Variants in DPP9 observed in about 807,000 individuals in gnomAD.
The protein encoded by DPP9 is dipeptidyl peptidase 9.
A neutral mutation model predicts 110.7 loss-of-function variants in DPP9; 50 were observed. The observed-to-expected ratio is 0.45, with a 90% CI of 0.36 to 0.57. The LOEUF (loss-of-function observed/expected upper bound fraction) is 0.57, where lower values mean the gene tolerates loss of function less well. Among genes scored for constraint, DPP9 ranks in the 20% least tolerant of loss-of-function variants. DPP9 has a pLI of 0.00. For synonymous variants in DPP9, 561 were observed against 514.4 expected, an observed-to-expected ratio of 1.09 and a Z score of -1.23; for missense variants, 1,022 against 1,217.9, an observed-to-expected ratio of 0.84 and a Z score of 2.39.
At chr19:4,677,242 A>T (rs1384921942) in intron 21 of DPP9, among the ~76,000 whole-genome samples, 1 of 152,076 alleles carries the variant, frequency 6.6e-6, no homozygotes, top group Non-Finnish European at 1.5e-5. Context: ...GTGGATCCAC[A>T]CGGGGATGCA....
At chr19:4,701,960 C>T (rs574118262) in intron 9 of DPP9, 67 bp downstream of exon 9, 2 of 1,575,778 alleles carry the variant, frequency 1.3e-6, no homozygotes, top group East Asian at 2.2e-5. Context: ...GGACAGTGCA[C>T]CTCACCAGCC....
intron 11 of DPP9, among the ~76,000 whole-genome samples, chr19:4,696,462 CAA>C (rs556314195): frequency 1.4e-4 from 9 of 66,080 alleles, no homozygotes; most frequent in Admixed American, 1.8e-4. Flanking sequence ...CTTGTCTCTA[CAA>C]AAAAAAAAAA....
rs965799750 is a variant in DPP9, at chr19:4,687,621, C to T, written c.1885+1136G>A. ...GAGTGTCGGCTCTGAGCAGGTGCTG[C>T]TGTGGGCGGCAGCCTCTGGGCACAG... On this transcript the variant is annotated intron_variant, in intron 16 of 21. Transcript: ENST00000262960. The surrounding 1 kb of genome is among the most constrained non-coding windows in gnomAD (Gnocchi z 4.7). Among the ~76,000 whole-genome samples the T allele has an allele frequency of 1.3e-5, 2 of 152,242 alleles. No individual in the cohort carries two copies. The highest frequency in any genetic ancestry group is 6.5e-5 in the Admixed American group (1 of 15,300).
At position 4,694,687 on chromosome 19, in the gene DPP9, C is replaced by T; in HGVS notation, c.1490G>A (p.Trp497Ter). The stretch of plus-strand genomic sequence containing the variant: ...TTCCCCGGGGCTGAAGGGCTCACTC[C>T]AATCGTAGCCCTGGGATTTTAAAAC... Reference protein sequence around the residue: ...TAVLKSQGYDWSEPFSPGEDE... With the variant: ...TAVLKSQGYD Residue 497 changes from tryptophan to a stop codon, truncating the protein, a stop_gained, in exon 13 of 22, where the codon TGG becomes TAG. Transcript: ENST00000262960. LOFTEE classifies it high-confidence loss of function. This position sits in a 1 kb window ranked among gnomAD's most constrained non-coding sequence, Gnocchi z 4.0. The T allele has an allele frequency of 6.2e-7, 1 of 1,612,482 alleles. No individual in the cohort carries two copies. The highest frequency in any genetic ancestry group is 8.5e-7 in the Non-Finnish European group (1 of 1,179,266).
intron 10 of DPP9, among the ~76,000 whole-genome samples, chr19:4,697,968 T>C (rs1213309013): frequency 2.0e-5 from 3 of 151,134 alleles, no homozygotes; most frequent in South Asian, 2.1e-4. Context: ...CAAGAAGCCA[T>C]GGAGAAGGAG....
chr19:4,718,761 C>G lies in DPP9; in HGVS notation c.56+1090G>C, dbSNP rs891694190. Among the ~76,000 whole-genome samples the G allele has an allele frequency of 2.0e-5, 3 of 152,248 alleles. No individual in the cohort carries two copies. Among genetic ancestry groups the G allele is most frequent in the Admixed American group, 6.5e-5 (1 of 15,282 alleles). On this transcript the variant is annotated intron_variant, in intron 3 of 21. Coordinates refer to ENST00000262960, the MANE Select transcript of DPP9 (RefSeq NM_139159.5). This position sits in a 1 kb window ranked among gnomAD's most constrained non-coding sequence, Gnocchi z 4.3. ...GACCACCCGGTTTTAGAGCCCATGG[C>G]TGGGCCAATCATAGCCCTTCACACC...
Position 4,702,598 on chromosome 19 carries a change from C to A in DPP9, c.883+5G>T, listed in dbSNP as rs1282202935. On this transcript the variant is annotated splice_donor_5th_base_variant and intron_variant, in intron 8 of 21. Transcript: ENST00000262960. ...GGAGCATGTTGAAAAATGGAAGGGACCTACCTTCCCAGGAGGCTGTGGGGC... is the reference window on the plus strand; with the variant it reads ...GGAGCATGTTGAAAAATGGAAGGGAACTACCTTCCCAGGAGGCTGTGGGGC... 1.2e-5 allele frequency: 19 copies of A among 1,586,078 alleles called. No individual in the cohort carries two copies. The highest frequency in any genetic ancestry group is 1.6e-5 in the Non-Finnish European group (19 of 1,165,416).
At chr19:4,707,066 C>T (rs183912804) in intron 4 of DPP9, among the ~76,000 whole-genome samples, 6 of 152,262 alleles carry the variant, frequency 3.9e-5, no homozygotes, top group Admixed American at 2.6e-4. Context: ...CTGATTTAAT[C>T]GAAGCTTCTG....
In DPP9 at chr19:4,705,990, AC is replaced by A. The variant is rs775882245; in HGVS notation, c.314-21del. On this transcript the variant is annotated intron_variant, in intron 4 of 21. Coordinates refer to ENST00000262960, the MANE Select transcript of DPP9 (RefSeq NM_139159.5). ...GCATTCCTAAAGGGAGAAAGGAAAC[AC>A]CCAGAACGGGTACCCTGGCTCAGGA... 19 of 1,605,790 alleles carry A rather than the reference AC, an allele frequency of 1.2e-5. No individual in the cohort carries two copies. The African/African-American group carries it at 2.4e-4, about 20-fold the overall frequency.
chr19:4,677,398 CA>C (rs2089015000), intron 21 of DPP9, among the ~76,000 whole-genome samples: 1 of 152,160 alleles, frequency 6.6e-6, no homozygotes, highest in Admixed American at 6.5e-5. Flanking sequence ...TGGCCGGCAG[CA>C]GGGGCAGGTG....
At position 4,679,927 on chromosome 19, in the gene DPP9, G is replaced by T; in HGVS notation, c.2494C>A (p.Leu832Ile). The T allele has an allele frequency of 6.2e-7, 1 of 1,612,960 alleles. No individual in the cohort carries two copies. Among genetic ancestry groups the T allele is most frequent in the Non-Finnish European group, 8.5e-7 (1 of 1,179,622 alleles). ...LPNEPNRLLI[L>I]HGFLDENVHF... ...ACGTTTTCGTCCAGGAAGCCGTGGAGGATAAGCAAGCGGTTGGGCCTGGAA... is the reference window on the plus strand; with the variant it reads ...ACGTTTTCGTCCAGGAAGCCGTGGATGATAAGCAAGCGGTTGGGCCTGGAA... The change falls in exon 21 of 22, where the codon CTC becomes ATC. Residue 832 changes from leucine (L) to isoleucine (I), a missense_variant. Around this residue, in one of 3 missense-constraint regions of DPP9, gnomAD observed 209 missense variants for 280.4 expected, o/e 0.75. Coordinates refer to ENST00000262960, the MANE Select transcript of DPP9 (RefSeq NM_139159.5).
In DPP9 at chr19:4,685,325, C is replaced by T. The variant is rs1359657417; in HGVS notation, c.2031+301G>A. 1.7e-6 allele frequency: 1 copy of T among 590,258 alleles called. No individual in the cohort carries two copies. Among genetic ancestry groups the T allele is most frequent in the African/African-American group, 1.8e-5 (1 of 54,564 alleles). 36.6% of individuals were successfully genotyped at this position (590,258 alleles called of 1,614,324 possible). ...AGGAATTGGGCCCAGGGCCCATGGCCACCTCCATACCAACCTGGAGACTAG... is the reference window on the plus strand; with the variant it reads ...AGGAATTGGGCCCAGGGCCCATGGCTACCTCCATACCAACCTGGAGACTAG... On this transcript the variant is annotated intron_variant, in intron 17 of 21. Coordinates refer to ENST00000262960, the MANE Select transcript of DPP9 (RefSeq NM_139159.5). The surrounding 1 kb of genome is among the most constrained non-coding windows in gnomAD (Gnocchi z 5.8).
Position 4,695,010 on chromosome 19 carries a change from G to A in DPP9, c.1354-187C>T. 3.2e-6 allele frequency: 2 copies of A among 630,126 alleles called. No individual in the cohort carries two copies. The highest frequency in any genetic ancestry group is 2.0e-5 in the South Asian group (1 of 50,446). 39.0% of individuals were successfully genotyped at this position (630,126 alleles called of 1,614,324 possible). A position where few individuals can be genotyped will look rare whatever the true frequency, so the allele number is the denominator to read the frequency against. On this transcript the variant is annotated intron_variant, in intron 12 of 21. Transcript: ENST00000262960. This position sits in a 1 kb window ranked among gnomAD's most constrained non-coding sequence, Gnocchi z 4.7. ...AAAAATAAATAAATAAATTAGCCAG[G>A]CATGGTGGTGCAGGCTTGTGGTCCT...
At chr19:4,721,676 G>A (rs894936758) in intron 2 of DPP9, among the ~76,000 whole-genome samples, 1 of 152,210 alleles carries the variant, frequency 6.6e-6, no homozygotes, top group African/African-American at 2.4e-5. Flanking sequence ...AGCTACTCAG[G>A]AGGCTGAGAC....
At chr19:4,680,968 A>G (rs1009863810) in intron 20 of DPP9, among the ~76,000 whole-genome samples, 1 of 152,086 alleles carries the variant, frequency 6.6e-6, no homozygotes, top group African/African-American at 2.4e-5. Context: ...AAAACAAAAC[A>G]AAAACCCACC....
chr19:4,683,509 T>C lies in DPP9; in HGVS notation c.2299A>G (p.Met767Val), dbSNP rs771237993. The C allele has an allele frequency of 7.4e-6, 12 of 1,613,210 alleles. No individual in the cohort carries two copies. Among genetic ancestry groups the C allele is most frequent in the Middle Eastern group, 1.6e-4 (1 of 6,062 alleles). ...GWSYGGFLSL[M>V]GLIHKPQVFK... Reference sequence around the variant, plus strand: ...ACCTGGGGCTTGTGGATTAGCCCCATGAGCGAGAGGAAGCCCCCGTAGGAC... The same window carrying C: ...ACCTGGGGCTTGTGGATTAGCCCCACGAGCGAGAGGAAGCCCCCGTAGGAC... The change falls in exon 19 of 22, where the codon ATG (methionine) becomes GTG (valine). Residue 767 changes from methionine to valine, a missense_variant. This residue lies in a region of DPP9 where 209 missense variants were observed against 280.4 expected (regional missense o/e 0.75). Coordinates refer to ENST00000262960, the MANE Select transcript of DPP9 (RefSeq NM_139159.5).
rs368907498 is a variant in DPP9 at position 4,722,760 on chromosome 19, C to T, written c.-88-209G>A. ...CCCACGGGCCCCGATTCCCCTGGGA[C>T]CCAGCAGAGGAATGCAGGGATTGGT... On this transcript the variant is annotated intron_variant, in intron 1 of 21. Transcript: ENST00000262960. The T allele has an allele frequency of 8.8e-6, 5 of 567,122 alleles. No homozygotes were observed. In the African/African-American group the frequency reaches 9.5e-5, roughly 11 times the overall value. The allele number at this position is 567,122 out of a possible 1,614,324, so 35.1% of individuals were successfully genotyped here. A position where few individuals can be genotyped will look rare whatever the true frequency, so the allele number is the denominator to read the frequency against.
intron 16 of DPP9, among the ~76,000 whole-genome samples, chr19:4,686,500 A>G (rs1331651394): frequency 2.6e-5 from 4 of 151,712 alleles, no homozygotes; most frequent in African/African-American, 9.7e-5. Flanking sequence ...TTGTACTTTT[A>G]GTAGAGATGG....
Position 4,703,892 on chromosome 19 carries a change from GGC to G in DPP9, c.761_762del (p.Cys254SerfsTer10). 1 of 1,601,186 alleles carries G rather than the reference GGC, an allele frequency of 6.2e-7. No homozygotes were observed. Among genetic ancestry groups the G allele is most frequent in the Non-Finnish European group, 8.5e-7 (1 of 1,174,484 alleles). The part of the protein sequence containing the change: ...ETGEERRLTF[C>X]HQGLSNVLDD... ...CAGGAGGGGCTGGCCCCACCTTGGT[GGC>G]AGAAGGTCAGCCGCCGCTCCTCGCC... On this transcript the variant is annotated frameshift_variant, in exon 7 of 22. Coordinates refer to ENST00000262960, the MANE Select transcript of DPP9 (RefSeq NM_139159.5). LOFTEE classifies it high-confidence loss of function.
Sources: allele counts gnomAD v4.1 joint callset (sites outside exome capture counted in the v4.1 genomes callset), GRCh38; gene constraint gnomAD v4.1.1; regional missense constraint gnomAD v4.1.1; non-coding constraint Gnocchi (gnomAD v3.1); transcripts MANE v1.5; gene names NCBI Gene and HGNC (gene_info 2026-07-23, HGNC 2026-07-21).